Variants in NUP153 observed in about 807,000 individuals in gnomAD.
NUP153 encodes nuclear pore complex protein Nup153.
A neutral mutation model predicts 134.6 loss-of-function variants in NUP153; 27 were observed. That is an observed-to-expected ratio of 0.20 (90% CI 0.15 to 0.28). NUP153 has a LOEUF of 0.28. NUP153 is among the 10% of genes least tolerant of loss of function. The probability of loss-of-function intolerance (pLI) is 1.00; values close to 1 mark genes in which losing one functional copy is unlikely to be tolerated. For missense variants in NUP153, 1,821 were observed against 1,731.3 expected, an observed-to-expected ratio of 1.05 and a Z score of -0.92; for synonymous variants, 640 against 623.5, an observed-to-expected ratio of 1.03 and a Z score of -0.40.
intron 20 of NUP153, 88 bp downstream of exon 20, chr6:17,624,473 G>T: frequency 8.1e-7 from 1 of 1,239,248 alleles, no homozygotes; most frequent in Non-Finnish European, 1.1e-6. Context: ...TTTAAAATTA[G>T]ACATATGAAT....
intron 1 of NUP153, among the ~76,000 whole-genome samples, chr6:17,699,189 A>T (rs1769876355): frequency 6.7e-6 from 1 of 149,516 alleles, no homozygotes; most frequent in Admixed American, 6.7e-5. Flanking sequence ...GCTACAAATA[A>T]TTTTTTTTTT....
At chr6:17,686,843 C>T (rs12200215) in intron 2 of NUP153, among the ~76,000 whole-genome samples, 28,951 of 132,822 alleles carry the variant, frequency 0.22, 3,672 homozygotes, top group Non-Finnish European at 0.28. Context: ...CAAGATCAAC[C>T]GTGACTTGAT....
intron 11 of NUP153, among the ~76,000 whole-genome samples, chr6:17,653,152 C>A (rs1766602615): frequency 6.6e-6 from 1 of 152,164 alleles, no homozygotes; most frequent in Admixed American, 6.5e-5. Flanking sequence ...ACTTGGGAGG[C>A]TGACACGGGA....
At chr6:17,662,823 A>T (rs1044173345) in intron 9 of NUP153, among the ~76,000 whole-genome samples, 1 of 152,186 alleles carries the variant, frequency 6.6e-6, no homozygotes, top group Non-Finnish European at 1.5e-5. Flanking sequence ...ACTGAAATCT[A>T]ATCATGAGGA....
chr6:17,693,904 T>C (rs926360189), intron 1 of NUP153, among the ~76,000 whole-genome samples: 2 of 152,208 alleles, frequency 1.3e-5, no homozygotes, highest in African/African-American at 4.8e-5. Flanking sequence ...GCGCCTGGCC[T>C]AATACTTCTC....
At position 17,675,470 on chromosome 6, in the gene NUP153, A is replaced by AT; in HGVS notation, c.583+51dup. The AT allele has an allele frequency of 1.3e-6, 2 of 1,589,506 alleles. No homozygotes were observed. The highest frequency in any genetic ancestry group is 1.7e-6 in the Non-Finnish European group (2 of 1,169,142). On this transcript the variant is annotated intron_variant, in intron 3 of 21. Coordinates refer to ENST00000262077, the MANE Select transcript of NUP153 (RefSeq NM_005124.4). This position sits in a 1 kb window ranked among gnomAD's most constrained non-coding sequence, Gnocchi z 4.4. ...TACAACCAAGTCAGAAAAAAAACCC[A>AT]TAAAATTTAATGTTACTACCCAAAT...
chr6:17,662,686 C>T (rs1767263877), intron 9 of NUP153, among the ~76,000 whole-genome samples: 1 of 152,090 alleles, frequency 6.6e-6, no homozygotes, highest in Non-Finnish European at 1.5e-5. Flanking sequence ...GTAGAGAATC[C>T]TCACAGACAC....
rs1312732666 is a variant in NUP153, at chr6:17,675,016, T to G, written c.741A>C (p.Ser247=). The part of the protein sequence containing the change: ...GTLSPSLGNS[S]ILKTSQLGDS... ...CTCCAAGCTGACTGGTTTTAAGGAT[T>G]GAAGAATTCCCAAGTGACTGCACAG... The change falls in exon 5 of 22, where the codon TCA becomes TCC. Residue 247 remains serine (S), a synonymous_variant. Coordinates refer to ENST00000262077, the MANE Select transcript of NUP153 (RefSeq NM_005124.4). This position sits in a 1 kb window ranked among gnomAD's most constrained non-coding sequence, Gnocchi z 4.4. The G allele has an allele frequency of 2.5e-6, 4 of 1,613,220 alleles. No homozygotes were observed. Among genetic ancestry groups the G allele is most frequent in the Non-Finnish European group, 3.4e-6 (4 of 1,179,662 alleles).
At chr6:17,688,662 C>T (rs765882906) in intron 1 of NUP153, 44 bp from the exon 2 acceptor site, 1 of 1,492,774 alleles carries the variant, frequency 6.7e-7, no homozygotes, top group South Asian at 1.2e-5. Context: ...AGAAATTTAT[C>T]TTTTTAAAAT....
intron 1 of NUP153, among the ~76,000 whole-genome samples, chr6:17,693,575 G>A (rs1038707405): frequency 6.6e-6 from 1 of 152,192 alleles, no homozygotes; most frequent in African/African-American, 2.4e-5. Context: ...ATATCTCTAA[G>A]TAGACCCTTC....
intron 9 of NUP153, among the ~76,000 whole-genome samples, chr6:17,664,464 C>A (rs1435830307): frequency 1.3e-5 from 2 of 152,132 alleles, no homozygotes; most frequent in East Asian, 3.8e-4. Flanking sequence ...AGTATCTGAA[C>A]CTTGCTCGAG....
At position 17,616,040 on chromosome 6, in the gene NUP153, T is replaced by C; in HGVS notation, c.*57A>G. The C allele has an allele frequency of 2.5e-6, 3 of 1,211,988 alleles. No homozygotes were observed. The highest frequency in any genetic ancestry group is 3.7e-6 in the Non-Finnish European group (3 of 814,536). 75.1% of individuals were successfully genotyped at this position (1,211,988 alleles called of 1,614,324 possible). A position where few individuals can be genotyped will look rare whatever the true frequency, so the allele number is the denominator to read the frequency against. ...AACCCCAGCACAAAGTACAATCCAG[T>C]ATCTGAAAGCAGGGCACCAGCTGTT... On this transcript the variant is annotated 3_prime_UTR_variant, in exon 22 of 22. Transcript: ENST00000262077.
intron 14 of NUP153, among the ~76,000 whole-genome samples, chr6:17,641,666 A>G (rs1173757593): frequency 6.6e-6 from 1 of 152,224 alleles, no homozygotes; most frequent in African/African-American, 2.4e-5. Flanking sequence ...ACCCAGGCTA[A>G]CATGGTGAAA....
At chr6:17,668,452 T>C (rs1767685300) in intron 8 of NUP153, among the ~76,000 whole-genome samples, 1 of 152,018 alleles carries the variant, frequency 6.6e-6, no homozygotes, top group Non-Finnish European at 1.5e-5. Flanking sequence ...AAGATGGAAA[T>C]GCTGAATAGC....
At position 17,675,700 on chromosome 6, in the gene NUP153, A is replaced by G; in HGVS notation, c.405T>C (p.His135=). The G allele has an allele frequency of 2.5e-6, 4 of 1,614,116 alleles. No individual in the cohort carries two copies. Among genetic ancestry groups the G allele is most frequent in the Non-Finnish European group, 2.5e-6 (3 of 1,179,982 alleles). Reference sequence around the variant, plus strand: ...GGGATTCCAACATGGAAAAATTCAGATGGCTCCGATGAAGAGAAGGCCTTG... The same window carrying G: ...GGGATTCCAACATGGAAAAATTCAGGTGGCTCCGATGAAGAGAAGGCCTTG... ...VLTRPSLHRS[H]LNFSMLESPA... The change falls in exon 3 of 22, where the codon CAT becomes CAC. Residue 135 remains histidine, a synonymous_variant. Coordinates refer to ENST00000262077, the MANE Select transcript of NUP153 (RefSeq NM_005124.4). This position sits in a 1 kb window ranked among gnomAD's most constrained non-coding sequence, Gnocchi z 4.4.
At chr6:17,631,949 G>C (rs912775121) in intron 17 of NUP153, among the ~76,000 whole-genome samples, 4 of 151,990 alleles carry the variant, frequency 2.6e-5, no homozygotes, top group Admixed American at 6.6e-5. Flanking sequence ...CTGGGCGACA[G>C]AGCAAGACAC....
chr6:17,686,812 G>A (rs1319261537), intron 2 of NUP153, among the ~76,000 whole-genome samples: 2 of 150,542 alleles, frequency 1.3e-5, no homozygotes, highest in Non-Finnish European at 3.0e-5. Context: ...TAGGGAAATA[G>A]GCGTGCGAAT....
intron 15 of NUP153, 108 bp downstream of exon 15, chr6:17,639,828 TCTC>T (rs1765745303): frequency 2.2e-6 from 2 of 925,554 alleles, no homozygotes; most frequent in Admixed American, 2.8e-5. Context: ...CAAAAGTAAA[TCTC>T]CTACCAAACT....
At position 17,683,588 on chromosome 6, in the gene NUP153, T is replaced by C. The variant is rs114190006; in HGVS notation, c.334+4808A>G. Among the ~76,000 whole-genome samples the C allele has an allele frequency of 4.4e-3, 674 of 152,294 alleles. 5 individuals carry two copies. The highest frequency in any genetic ancestry group is 0.016 in the African/African-American group (651 of 41,552). ...TAAACCATGCTGTAAATAGATGTGT[T>C]GTCATCCAGGTTTTGTTGTTTCAAT... On this transcript the variant is annotated intron_variant, in intron 2 of 21. Transcript: ENST00000262077.
Sources: allele counts gnomAD v4.1 joint callset (sites outside exome capture counted in the v4.1 genomes callset), GRCh38; gene constraint gnomAD v4.1.1; non-coding constraint Gnocchi (gnomAD v3.1); transcripts MANE v1.5; gene names NCBI Gene and HGNC (gene_info 2026-07-23, HGNC 2026-07-21).